LRRC4C: variants seen among roughly 807,000 people sequenced by gnomAD.
LRRC4C encodes leucine rich repeat containing 4C.
Under a neutral mutation model 33.6 loss-of-function variants are expected in LRRC4C, and 5 were observed. The ratio of observed to expected loss-of-function variants is 0.15; its 90% CI spans 0.08 to 0.31. The LOEUF is 0.31. Ranked by LOEUF, LRRC4C falls within the 10% of genes least tolerant of loss-of-function variation. LRRC4C has a pLI of 1.00. For synonymous variants in LRRC4C, 329 were observed against 302.0 expected (o/e 1.09, Z -0.93); for missense variants, 560 against 796.7 (o/e 0.70, Z 3.58).
intron 2 of LRRC4C, among the ~76,000 whole-genome samples, chr11:40,799,271 G>C (rs1174080450): frequency 6.6e-6 from 1 of 151,646 alleles, no homozygotes; most frequent in Non-Finnish European, 1.5e-5. Flanking sequence ...CCTTTGCATT[G>C]TTTTCTGATA....
intron 3 of LRRC4C, among the ~76,000 whole-genome samples, chr11:40,336,718 T>G (rs1946621538): frequency 6.6e-6 from 1 of 152,044 alleles, no homozygotes; most frequent in Non-Finnish European, 1.5e-5. Context: ...GGCTCACGCC[T>G]GTAATCCCAG....
At chr11:40,400,188 A>G (rs2137536400) in intron 3 of LRRC4C, among the ~76,000 whole-genome samples, 1 of 152,104 alleles carries the variant, frequency 6.6e-6, no homozygotes, top group East Asian at 1.9e-4. Context: ...ACCCATACTC[A>G]CTATCCATGG....
At chr11:40,225,325 T>C (rs1281200007) in intron 5 of LRRC4C, among the ~76,000 whole-genome samples, 1 of 152,118 alleles carries the variant, frequency 6.6e-6, no homozygotes, top group African/African-American at 2.4e-5. Flanking sequence ...TTTAAAAAAA[T>C]AAAACATTTA....
intron 1 of LRRC4C, among the ~76,000 whole-genome samples, chr11:41,394,101 C>A (rs936974127): frequency 6.6e-6 from 1 of 151,892 alleles, no homozygotes; most frequent in Non-Finnish European, 1.5e-5. Context: ...AGTCTCTATC[C>A]TTCACTTTTT....
At chr11:40,284,904 A>T (rs1943728282) in intron 4 of LRRC4C, among the ~76,000 whole-genome samples, 1 of 151,986 alleles carries the variant, frequency 6.6e-6, no homozygotes, top group Non-Finnish European at 1.5e-5. Flanking sequence ...CTTGTAGGAG[A>T]CTCAGGTAAT....
rs1203769779 is a variant in LRRC4C, at chr11:41,245,134, A to G, written c.-496+214297T>C. ...TAAAATAAGAATAAAATTAATATTC[A>G]CCTCTTTAAGGTGTTGAGAATTATT... On this transcript the variant is annotated intron_variant, in intron 1 of 6. Transcript: ENST00000528697. Among the ~76,000 whole-genome samples, 3 of 152,028 alleles carry G rather than the reference A, an allele frequency of 2.0e-5. No homozygotes were observed. In the East Asian group the frequency reaches 5.8e-4, roughly 29 times the overall value.
At chr11:41,181,655 A>G (rs1293877688) in intron 1 of LRRC4C, among the ~76,000 whole-genome samples, 4 of 152,206 alleles carry the variant, frequency 2.6e-5, no homozygotes, top group Non-Finnish European at 5.9e-5. Context: ...GTTGAACAAA[A>G]GAGACTCAAT....
chr11:40,295,631 T>C (rs1050478398), intron 4 of LRRC4C, among the ~76,000 whole-genome samples: 3 of 152,218 alleles, frequency 2.0e-5, no homozygotes, highest in Non-Finnish European at 4.4e-5. Flanking sequence ...TAATGTTCTT[T>C]GCATACTGAG....
chr11:40,844,497 T>A (rs1953066279), intron 2 of LRRC4C, among the ~76,000 whole-genome samples: 1 of 152,050 alleles, frequency 6.6e-6, no homozygotes, highest in Admixed American at 6.6e-5. Context: ...GATACAGAGG[T>A]GCTGTAGACC....
intron 2 of LRRC4C, among the ~76,000 whole-genome samples, chr11:40,888,783 G>A (rs1955573624): frequency 6.6e-6 from 1 of 151,872 alleles, no homozygotes; most frequent in Non-Finnish European, 1.5e-5. Flanking sequence ...GATCTTTGAA[G>A]GTTCTCATGT....
intron 2 of LRRC4C, among the ~76,000 whole-genome samples, chr11:40,721,007 A>G (rs1234839873): frequency 6.6e-6 from 1 of 152,210 alleles, no homozygotes; most frequent in Non-Finnish European, 1.5e-5. Context: ...CCTCTAGAAC[A>G]GGAATTCATT....
At chr11:41,209,256 TATTA>T (rs1474370269) in intron 1 of LRRC4C, among the ~76,000 whole-genome samples, 2 of 149,952 alleles carry the variant, frequency 1.3e-5, no homozygotes, top group Non-Finnish European at 1.5e-5. Context: ...ATTAAATATA[TATTA>T]ATTATTTGTA....
chr11:40,922,111 G>A (rs557077189), intron 2 of LRRC4C, among the ~76,000 whole-genome samples: 1 of 152,208 alleles, frequency 6.6e-6, no homozygotes, highest in East Asian at 1.9e-4. Context: ...GGAAAAGGTA[G>A]ATATGTGTGA....
chr11:40,619,678 C>T (rs769208526), intron 3 of LRRC4C, among the ~76,000 whole-genome samples: 5 of 151,662 alleles, frequency 3.3e-5, no homozygotes, highest in Non-Finnish European at 7.4e-5. Flanking sequence ...TTAGTGTTTA[C>T]GACCTATTGT....
chr11:40,591,545 G>T (rs888188814), intron 3 of LRRC4C, among the ~76,000 whole-genome samples: 5 of 152,300 alleles, frequency 3.3e-5, no homozygotes, highest in African/African-American at 9.6e-5. Flanking sequence ...AACTTCTCAG[G>T]TGTGTTTTAT....
chr11:40,509,739 T>G (rs1366291533), intron 3 of LRRC4C, among the ~76,000 whole-genome samples: 2 of 152,168 alleles, frequency 1.3e-5, no homozygotes, highest in Non-Finnish European at 2.9e-5. Context: ...TTCAAATTAT[T>G]ACACAAAGCT....
intron 1 of LRRC4C, among the ~76,000 whole-genome samples, chr11:40,995,499 T>G (rs961839325): frequency 1.3e-5 from 2 of 152,128 alleles, no homozygotes; most frequent in Non-Finnish European, 2.9e-5. Context: ...GGAGATATCT[T>G]TCATCCTTTT....
intron 3 of LRRC4C, among the ~76,000 whole-genome samples, chr11:40,565,699 A>AT: frequency 6.6e-6 from 1 of 151,760 alleles, no homozygotes; most frequent in Non-Finnish European, 1.5e-5. Context: ...CCTTCTAATA[A>AT]TTTTTTTCTG....
At chr11:40,190,128 T>C (rs1447822532) in intron 5 of LRRC4C, among the ~76,000 whole-genome samples, 3 of 152,168 alleles carry the variant, frequency 2.0e-5, no homozygotes, top group Non-Finnish European at 2.9e-5. Flanking sequence ...CCCATGAGGA[T>C]GGCAGAGAAG....
Sources: gnomAD v4.1 joint callset for allele counts (sites outside exome capture counted in the v4.1 genomes callset) on GRCh38, gnomAD v4.1.1 for gene constraint, MANE v1.5 for transcripts, NCBI Gene and HGNC (gene_info 2026-07-23, HGNC 2026-07-21) for gene names.